Variants in EYS observed in about 807,000 individuals in gnomAD.
EYS encodes the protein protein eyes shut homolog.
In EYS, 250 loss-of-function variants were observed where a neutral mutation model predicts 282.1. The ratio of observed to expected loss-of-function variants is 0.89; its 90% CI spans 0.80 to 0.98. EYS has a LOEUF of 0.98. Among genes scored for constraint, EYS ranks in the 50% least tolerant of loss-of-function variants. EYS has a pLI of 0.00. For missense variants in EYS, 4,016 were observed against 3,709.0 expected (o/e 1.08, Z -2.15); for synonymous variants, 1,355 against 1,282.9 (o/e 1.06, Z -1.20).
intron 30 of EYS, among the ~76,000 whole-genome samples, chr6:64,304,874 G>C (rs1208111892): frequency 6.6e-6 from 1 of 152,060 alleles, no homozygotes; most frequent in Non-Finnish European, 1.5e-5. Context: ...TGAAAGCAGT[G>C]GTAAGGGGGA....
intron 19 of EYS, among the ~76,000 whole-genome samples, chr6:64,859,940 A>C (rs1057022712): frequency 2.0e-5 from 3 of 152,180 alleles, no homozygotes; most frequent in African/African-American, 7.2e-5. Context: ...ATCTTTTTAT[A>C]TCTCTTCTAT....
At chr6:64,481,677 C>T (rs1369685484) in intron 26 of EYS, among the ~76,000 whole-genome samples, 4 of 144,978 alleles carry the variant, frequency 2.8e-5, no homozygotes, top group African/African-American at 1.0e-4. Flanking sequence ...AAAGAGAAAA[C>T]GGCCTGAGAG....
Position 64,912,762 on chromosome 6 carries a change from A to C in EYS, c.2382-19T>G. On this transcript the variant is annotated intron_variant, in intron 15 of 42. Transcript: ENST00000503581. ...CTCACATCTGAAATAAAATATTAAA[A>C]TTTTTAGAAGTGTGAACTCTTTTTC... 5 of 1,318,670 alleles carry C rather than the reference A, an allele frequency of 3.8e-6. No homozygotes were observed. Among genetic ancestry groups the C allele is most frequent in the Non-Finnish European group, 4.9e-6 (5 of 1,022,430 alleles). 81.7% of individuals were successfully genotyped at this position (1,318,670 alleles called of 1,614,324 possible).
At chr6:64,102,142 T>C (rs1582271746) in intron 31 of EYS, among the ~76,000 whole-genome samples, 2 of 152,178 alleles carry the variant, frequency 1.3e-5, no homozygotes, top group South Asian at 2.1e-4. Context: ...CCCTGGTCTA[T>C]GCCACTTGTA....
Position 64,207,107 on chromosome 6 carries a change from T to C in EYS, c.6424+23485A>G, listed in dbSNP as rs117044460. 1.9e-3 allele frequency among the ~76,000 whole-genome samples: 293 copies of C among 152,218 alleles called. 10 individuals are homozygous for C. In the East Asian group the frequency reaches 0.051, roughly 27 times the overall value. On this transcript the variant is annotated intron_variant, in intron 31 of 42. Transcript: ENST00000503581. Reference sequence around the variant, plus strand: ...TTCTGTGTGTGTGTTAGTGATCATGTTGAAATTTAATTGCCAATGTATGGT... The same window carrying C: ...TTCTGTGTGTGTGTTAGTGATCATGCTGAAATTTAATTGCCAATGTATGGT...
intron 26 of EYS, among the ~76,000 whole-genome samples, chr6:64,455,112 A>G (rs955008111): frequency 1.1e-4 from 17 of 152,016 alleles, no homozygotes; most frequent in African/African-American, 4.1e-4. Context: ...GGATCTCGCT[A>G]TGTTACCCAG....
chr6:64,511,681 G>C (rs577406359), intron 26 of EYS, among the ~76,000 whole-genome samples: 2 of 152,142 alleles, frequency 1.3e-5, no homozygotes, highest in South Asian at 4.1e-4. Flanking sequence ...CTCAGAGATA[G>C]GGTGTTTTCT....
chr6:64,622,316 A>T lies in EYS; in HGVS notation c.3568+3805T>A, dbSNP rs144974691. On this transcript the variant is annotated intron_variant, in intron 23 of 42. Transcript: ENST00000503581. ...TGACTGGACAACATTGGCCATCATAAATGAATTGTACTTTTTCAATATGTG... is the reference window on the plus strand; with the variant it reads ...TGACTGGACAACATTGGCCATCATATATGAATTGTACTTTTTCAATATGTG... Among the ~76,000 whole-genome samples the T allele has an allele frequency of 1.8e-3, 272 of 152,224 alleles. 2 individuals are homozygous for T. The highest frequency in any genetic ancestry group is 6.4e-3 in the African/African-American group (267 of 41,556).
chr6:64,145,255 T>C (rs1774473091), intron 31 of EYS, among the ~76,000 whole-genome samples: 1 of 152,184 alleles, frequency 6.6e-6, no homozygotes, highest in Non-Finnish European at 1.5e-5. Context: ...TAAACATACA[T>C]GATGTAACTG....
intron 22 of EYS, among the ~76,000 whole-genome samples, chr6:64,765,613 C>T (rs1248900686): frequency 6.6e-6 from 1 of 152,144 alleles, no homozygotes; most frequent in African/African-American, 2.4e-5. Context: ...TCAGGCATAA[C>T]AGGAAGCATG....
At chr6:64,958,538 G>C (rs1027241961) in intron 14 of EYS, among the ~76,000 whole-genome samples, 3 of 151,862 alleles carry the variant, frequency 2.0e-5, no homozygotes, top group Non-Finnish European at 4.4e-5. Flanking sequence ...ACGAGGTCAG[G>C]AGATCGAGAC....
chr6:65,560,209 A>G (rs371703389), intron 2 of EYS, among the ~76,000 whole-genome samples: 1 of 117,478 alleles, frequency 8.5e-6, no homozygotes, highest in South Asian at 2.6e-4. Context: ...ACTTATATTT[A>G]TATTATAAAA....
intron 2 of EYS, among the ~76,000 whole-genome samples, chr6:65,525,282 G>A (rs1003054637): frequency 6.6e-6 from 1 of 152,028 alleles, no homozygotes; most frequent in Non-Finnish European, 1.5e-5. Context: ...CTTGATTATT[G>A]TAATCATCCT....
intron 31 of EYS, among the ~76,000 whole-genome samples, chr6:64,182,100 A>C (rs574460274): frequency 6.6e-6 from 1 of 152,320 alleles, no homozygotes; most frequent in Admixed American, 6.5e-5. Context: ...GCAGAATTAT[A>C]GTGTGAAATA....
chr6:63,821,966 TCTC>T (rs1212833962), intron 36 of EYS: 2 of 152,180 alleles, frequency 1.3e-5, no homozygotes, highest in African/African-American at 4.8e-5. Flanking sequence ...AAGAAAGAAA[TCTC>T]CTGTCCTTTC....
Position 64,484,023 on chromosome 6 carries a change from G to A in EYS, c.5645-44671C>T, listed in dbSNP as rs200077249. Among the ~76,000 whole-genome samples, 8 of 151,664 alleles carry A rather than the reference G, an allele frequency of 5.3e-5. No homozygotes were observed. In the East Asian group the frequency reaches 9.7e-4, roughly 18 times the overall value. ...GAAAATAACTTTGATCTTGGCAGTC[G>A]GCAGAGGCTAAATTGAGCAATTAGA... On this transcript the variant is annotated intron_variant, in intron 26 of 42. Transcript: ENST00000503581.
At chr6:65,302,937 T>C (rs1768893368) in intron 11 of EYS, 1 of 1,613,282 alleles carries the variant, frequency 6.2e-7, no homozygotes, top group African/African-American at 1.3e-5. Flanking sequence ...CGGAGCGTTA[T>C]GAAAGTAGAA....
intron 22 of EYS, among the ~76,000 whole-genome samples, chr6:64,684,371 C>G (rs1352373643): frequency 6.6e-6 from 1 of 152,050 alleles, no homozygotes; most frequent in East Asian, 1.9e-4. Context: ...ATACAAACCT[C>G]TTATTTTCTT....
chr6:64,266,595 A>G (rs1183774475), intron 30 of EYS, among the ~76,000 whole-genome samples: 2 of 152,160 alleles, frequency 1.3e-5, no homozygotes, highest in African/African-American at 2.4e-5. Flanking sequence ...AACAAAAAAG[A>G]CAAGTCAGTT....
Sources: gnomAD v4.1 joint callset for allele counts (sites outside exome capture counted in the v4.1 genomes callset) on GRCh38, gnomAD v4.1.1 for gene constraint, MANE v1.5 for transcripts, NCBI Gene and HGNC (gene_info 2026-07-23, HGNC 2026-07-21) for gene names.